Variants in CAPZB observed in about 807,000 individuals in gnomAD.
CAPZB encodes the protein F-actin-capping protein subunit beta.
Under a neutral mutation model 38.1 loss-of-function variants are expected in CAPZB, and 2 were observed. That is an observed-to-expected ratio of 0.05 (90% CI 0.02 to 0.17). The LOEUF (loss-of-function observed/expected upper bound fraction) is 0.17, where lower values mean the gene tolerates loss of function less well. Among genes scored for constraint, CAPZB ranks in the 10% least tolerant of loss-of-function variants. The probability of loss-of-function intolerance (pLI) is 1.00; values close to 1 mark genes in which losing one functional copy is unlikely to be tolerated. For synonymous variants in CAPZB, 107 were observed against 127.4 expected, an observed-to-expected ratio of 0.84 and a Z score of 1.08; for missense variants, 161 against 334.2, an observed-to-expected ratio of 0.48 and a Z score of 4.04.
chr1:19,372,710 TGAGA>T (rs1333112552), intron 4 of CAPZB, among the ~76,000 whole-genome samples: 1 of 152,194 alleles, frequency 6.6e-6, no homozygotes, highest in African/African-American at 2.4e-5. Context: ...TCGGCTCTGC[TGAGA>T]AAGAGTGTCA....
At chr1:19,441,057 C>T (rs922798047) in intron 1 of CAPZB, among the ~76,000 whole-genome samples, 16 of 152,114 alleles carry the variant, frequency 1.1e-4, no homozygotes, top group African/African-American at 3.9e-4. Flanking sequence ...GAGACTCCAT[C>T]TCAAAACAAA....
intron 1 of CAPZB, among the ~76,000 whole-genome samples, chr1:19,456,518 G>A (rs773329729): frequency 6.6e-6 from 1 of 152,110 alleles, no homozygotes; most frequent in Non-Finnish European, 1.5e-5. Context: ...TCCCTTCAAC[G>A]TAGGTGTTCT....
At chr1:19,421,953 C>T (rs2094402911) in intron 1 of CAPZB, among the ~76,000 whole-genome samples, 1 of 152,082 alleles carries the variant, frequency 6.6e-6, no homozygotes, top group South Asian at 2.1e-4. Context: ...TGCCCAACCT[C>T]CCCGCCCCTC....
intron 1 of CAPZB, 150 bp downstream of exon 1, chr1:19,485,286 C>G: frequency 2.1e-6 from 1 of 468,444 alleles, no homozygotes; most frequent in Non-Finnish European, 3.4e-6. Context: ...CCCTCCTGGG[C>G]GGGGAGGGAC....
intron 4 of CAPZB, among the ~76,000 whole-genome samples, chr1:19,369,520 C>CA (rs2094108906): frequency 1.3e-5 from 2 of 152,384 alleles, no homozygotes; most frequent in Middle Eastern, 3.4e-3. Flanking sequence ...GGCGGGTTCT[C>CA]AGAGGCCCTG....
intron 4 of CAPZB, among the ~76,000 whole-genome samples, chr1:19,370,637 C>A (rs1424380994): frequency 6.6e-6 from 1 of 152,194 alleles, no homozygotes; most frequent in Non-Finnish European, 1.5e-5. Flanking sequence ...ACTGTTTGCA[C>A]ACAGTTCAGA....
At chr1:19,422,928 T>C (rs1024063972) in intron 1 of CAPZB, among the ~76,000 whole-genome samples, 2 of 152,148 alleles carry the variant, frequency 1.3e-5, no homozygotes, top group Admixed American at 6.5e-5. Flanking sequence ...AACTGAGCAG[T>C]GTTATCTAGG....
chr1:19,386,294 C>CT (rs1403620838), intron 2 of CAPZB, among the ~76,000 whole-genome samples: 1 of 152,220 alleles, frequency 6.6e-6, no homozygotes, highest in Non-Finnish European at 1.5e-5. Flanking sequence ...TGTTGCGACT[C>CT]TGACACAAGG....
chr1:19,388,430 A>ACGGAACC (rs2094215050), intron 2 of CAPZB, among the ~76,000 whole-genome samples: 1 of 152,096 alleles, frequency 6.6e-6, no homozygotes, highest in Non-Finnish European at 1.5e-5. Context: ...GTTTTACAAC[A>ACGGAACC]CGGAGCCTCC....
At chr1:19,412,977 G>T (rs2094363677) in intron 2 of CAPZB, among the ~76,000 whole-genome samples, 1 of 152,204 alleles carries the variant, frequency 6.6e-6, no homozygotes, top group Non-Finnish European at 1.5e-5. Flanking sequence ...ATAGAGCGAG[G>T]CTTTTCATCT....
At chr1:19,471,843 G>A (rs1461138949) in intron 1 of CAPZB, among the ~76,000 whole-genome samples, 1 of 146,078 alleles carries the variant, frequency 6.8e-6, no homozygotes, top group Middle Eastern at 3.4e-3. Context: ...TCCAGCCTGG[G>A]AGACAAAGCG....
chr1:19,465,874 C>T (rs997372929), intron 1 of CAPZB, among the ~76,000 whole-genome samples: 2 of 152,130 alleles, frequency 1.3e-5, no homozygotes, highest in African/African-American at 4.8e-5. Context: ...AGTGATAAGA[C>T]CAACAACATG....
At chr1:19,395,591 T>C (rs1346270200) in intron 2 of CAPZB, among the ~76,000 whole-genome samples, 1 of 152,128 alleles carries the variant, frequency 6.6e-6, no homozygotes, top group East Asian at 1.9e-4. Context: ...ATCACTACAT[T>C]TGGGTCAACC....
intron 2 of CAPZB, among the ~76,000 whole-genome samples, chr1:19,400,826 T>C (rs1180128635): frequency 6.6e-6 from 1 of 152,210 alleles, no homozygotes; most frequent in East Asian, 1.9e-4. Context: ...ACTTGAATTA[T>C]GCCTCCTGGC....
At chr1:19,471,865 C>CAAAAA (rs59289947) in intron 1 of CAPZB, among the ~76,000 whole-genome samples, 11 of 134,484 alleles carry the variant, frequency 8.2e-5, no homozygotes, top group African/African-American at 2.7e-4. Flanking sequence ...GACTCCGTCT[C>CAAAAA]AAAAAAAAAA....
chr1:19,407,077 A>G (rs1382524404), intron 2 of CAPZB, among the ~76,000 whole-genome samples: 1 of 152,226 alleles, frequency 6.6e-6, no homozygotes, highest in African/African-American at 2.4e-5. Context: ...TCAGACTAAC[A>G]GCCTAGAAAC....
At chr1:19,394,777 T>A (rs1462082324) in intron 2 of CAPZB, among the ~76,000 whole-genome samples, 1 of 151,958 alleles carries the variant, frequency 6.6e-6, no homozygotes, top group Non-Finnish European at 1.5e-5. Context: ...CAACATAGAT[T>A]TGAGATAATG....
At chr1:19,342,633 C>G in intron 8 of CAPZB, 1 of 683,774 alleles carries the variant, frequency 1.5e-6, no homozygotes, top group Non-Finnish European at 2.7e-6. Context: ...ACCGGGAGCA[C>G]ACGTGGGGGT....
Position 19,357,669 on chromosome 1 carries a change from G to C in CAPZB, c.330-106C>G. 1 of 1,107,696 alleles carries C rather than the reference G, an allele frequency of 9.0e-7. No homozygotes were observed. Among genetic ancestry groups the C allele is most frequent in the Non-Finnish European group, 1.3e-6 (1 of 754,572 alleles). 68.6% of individuals were successfully genotyped at this position (1,107,696 alleles called of 1,614,324 possible). On this transcript the variant is annotated intron_variant, in intron 4 of 8. Coordinates refer to ENST00000264202, the MANE Select transcript of CAPZB (RefSeq NM_004930.5). This position sits in a 1 kb window ranked among gnomAD's most constrained non-coding sequence, Gnocchi z 4.3. ...GATTCTGGGATTCAGGGCCCTCCCT[G>C]CGACAGTTATGGGAGCCGATCCTTG...
Sources: allele counts gnomAD v4.1 joint callset (sites outside exome capture counted in the v4.1 genomes callset), GRCh38; gene constraint gnomAD v4.1.1; non-coding constraint Gnocchi (gnomAD v3.1); transcripts MANE v1.5; gene names NCBI Gene and HGNC (gene_info 2026-07-23, HGNC 2026-07-21).